Variants in TMEM44 observed in about 807,000 individuals in gnomAD.
TMEM44 encodes transmembrane protein 44.
In TMEM44, 43 loss-of-function variants were observed where a neutral mutation model predicts 47.8. The observed-to-expected ratio is 0.90, with a 90% confidence interval of 0.70 to 1.16. The LOEUF (loss-of-function observed/expected upper bound fraction) is 1.16. TMEM44 is among the 50% of genes most tolerant of loss of function. The pLI, the probability that TMEM44 is intolerant of heterozygous loss-of-function variation, is 0.00. For missense variants in TMEM44, 568 were observed against 555.2 expected, an observed-to-expected ratio of 1.02 and a Z score of -0.23; for synonymous variants, 277 against 238.8, an observed-to-expected ratio of 1.16 and a Z score of -1.48.
chr3:194,614,839 T>C (rs1489331316), intron 7 of TMEM44, among the ~76,000 whole-genome samples: 3 of 152,214 alleles, frequency 2.0e-5, no homozygotes, highest in Non-Finnish European at 4.4e-5. Flanking sequence ...ATATAAGCCA[T>C]TAAGTGACCA....
In TMEM44 at chr3:194,630,995, C is replaced by T. The variant is rs1345422430; in HGVS notation, c.137+2084G>A. ...CACTGATAGGGCCTCTGAAATAATACGCTGTTGTACCTGCCTCCCGAAGGG... is the reference window on the plus strand; with the variant it reads ...CACTGATAGGGCCTCTGAAATAATATGCTGTTGTACCTGCCTCCCGAAGGG... On this transcript the variant is annotated intron_variant, in intron 1 of 9. Transcript: ENST00000347147. Among the ~76,000 whole-genome samples, 32 of 132,306 alleles carry T rather than the reference C, an allele frequency of 2.4e-4. 1 individual carries two copies. The highest frequency in any genetic ancestry group is 8.8e-5 in the African/African-American group (3 of 34,178). 86.8% of individuals were successfully genotyped at this position (132,306 alleles called of 152,430 possible). A position where few individuals can be genotyped will look rare whatever the true frequency, so the allele number is the denominator to read the frequency against.
At chr3:194,601,709 A>C (rs998739987) in intron 9 of TMEM44, among the ~76,000 whole-genome samples, 2 of 151,762 alleles carry the variant, frequency 1.3e-5, no homozygotes, top group African/African-American at 2.4e-5. Flanking sequence ...CTGCCTCCCA[A>C]AAAGTGCTAG....
At position 194,617,129 on chromosome 3, in the gene TMEM44, G is replaced by C; in HGVS notation, c.753C>G (p.Thr251=). 1 of 1,558,422 alleles carries C rather than the reference G, an allele frequency of 6.4e-7. No individual in the cohort carries two copies. Among genetic ancestry groups the C allele is most frequent in the Non-Finnish European group, 8.7e-7 (1 of 1,152,086 alleles). Residue 251 remains threonine, a synonymous_variant, in exon 6 of 10, where the codon ACC becomes ACG. Transcript: ENST00000347147. ...GGTCCAGTGCCGCACGGCCGAGGGA[G>C]GTCAGGAACCAGGGTGTGGCCCGCA... is the stretch of plus-strand genomic sequence containing the variant. The part of the protein sequence containing the change: ...YLLRATPWFL[T]SLGRAALDLA...
chr3:194,601,793 GA>G (rs1172123838), intron 9 of TMEM44, among the ~76,000 whole-genome samples: 1 of 152,190 alleles, frequency 6.6e-6, no homozygotes, highest in Non-Finnish European at 1.5e-5. Context: ...AAAAGAGAGA[GA>G]TAAGAGTAGA....
At chr3:194,610,496 T>G (rs1715202022) in intron 8 of TMEM44, among the ~76,000 whole-genome samples, 1 of 152,110 alleles carries the variant, frequency 6.6e-6, no homozygotes, top group Non-Finnish European at 1.5e-5. Context: ...GGAAGAGAGC[T>G]ACTTCCACCC....
intron 9 of TMEM44, among the ~76,000 whole-genome samples, chr3:194,601,412 C>T (rs1319922060): frequency 2.0e-5 from 3 of 151,342 alleles, no homozygotes; most frequent in Non-Finnish European, 4.4e-5. Flanking sequence ...TCAAGCAATT[C>T]TCCCGCCTCA....
At chr3:194,614,305 G>A (rs937016607) in intron 7 of TMEM44, among the ~76,000 whole-genome samples, 12 of 152,168 alleles carry the variant, frequency 7.9e-5, no homozygotes, top group African/African-American at 2.9e-4. Context: ...ATGACGACAG[G>A]CTCTGGAGCA....
intron 1 of TMEM44, among the ~76,000 whole-genome samples, chr3:194,631,413 C>T (rs1471570730): frequency 6.6e-6 from 1 of 151,938 alleles, no homozygotes; most frequent in Non-Finnish European, 1.5e-5. Context: ...AGCGCCTGTC[C>T]TTGGGAATGG....
rs1391419144 is a variant in TMEM44, at chr3:194,593,499, C to T, written c.1177-4860G>A. ...CTGCCTTGCAAATATGGGGTATTTG[C>T]TACCAGCCAAGATTCATTTGTAGTC... On this transcript the variant is annotated intron_variant, in intron 9 of 9. Coordinates refer to ENST00000347147, the MANE Select transcript of TMEM44 (RefSeq NM_001011655.3). Among the ~76,000 whole-genome samples the T allele has an allele frequency of 2.6e-5, 4 of 152,114 alleles. No homozygotes were observed. The South Asian group carries it at 8.3e-4, about 31-fold the overall frequency.
chr3:194,633,373 C>T lies in TMEM44; in HGVS notation c.-158G>A, dbSNP rs1718045370. The T allele has an allele frequency of 4.4e-6, 1 of 225,810 alleles. No homozygotes were observed. Among genetic ancestry groups the T allele is most frequent in the Non-Finnish European group, 7.4e-6 (1 of 134,256 alleles). The allele number at this position is 225,810 out of a possible 1,614,324, so 14.0% of individuals were successfully genotyped here. Reference sequence around the variant, plus strand: ...CACCGACCGCGGGCAGAGAAGGGCGCGCTCCCGGGCGCGGGCGGCGGCGGC... The same window carrying T: ...CACCGACCGCGGGCAGAGAAGGGCGTGCTCCCGGGCGCGGGCGGCGGCGGC... On this transcript the variant is annotated 5_prime_UTR_variant, in exon 1 of 10. Transcript: ENST00000347147.
intron 8 of TMEM44, among the ~76,000 whole-genome samples, chr3:194,604,958 G>A (rs1714613555): frequency 6.6e-6 from 1 of 152,186 alleles, no homozygotes; most frequent in East Asian, 1.9e-4. Context: ...CGGAATTGCT[G>A]GATTAAAGAG....
chr3:194,593,314 G>A (rs555363017), intron 9 of TMEM44, among the ~76,000 whole-genome samples: 2 of 152,004 alleles, frequency 1.3e-5, no homozygotes, highest in East Asian at 1.9e-4. Flanking sequence ...GCACGTCCTG[G>A]GAAAAATTAC....
chr3:194,632,479 C>T (rs1560209123), intron 1 of TMEM44, among the ~76,000 whole-genome samples: 1 of 152,080 alleles, frequency 6.6e-6, no homozygotes, highest in Non-Finnish European at 1.5e-5. Context: ...CTTAGGCTAC[C>T]GTGGGCATCT....
chr3:194,602,512 G>A (rs1358714433), intron 9 of TMEM44, among the ~76,000 whole-genome samples: 2 of 152,112 alleles, frequency 1.3e-5, no homozygotes, highest in Admixed American at 1.3e-4. Flanking sequence ...TGAGGCACCA[G>A]AATCTCTTGA....
At position 194,621,431 on chromosome 3, in the gene TMEM44, G is replaced by A. The variant is rs1042958139; in HGVS notation, c.612+1793C>T. Among the ~76,000 whole-genome samples, 3 of 152,264 alleles carry A rather than the reference G, an allele frequency of 2.0e-5. No individual in the cohort carries two copies. In the East Asian group the frequency reaches 5.8e-4, roughly 29 times the overall value. Reference sequence around the variant, plus strand: ...AGCTACTACCGGCGGTCAGGGCACGGTGCCAGCTTCTTCAAAGGCCTTCAT... The same window carrying A: ...AGCTACTACCGGCGGTCAGGGCACGATGCCAGCTTCTTCAAAGGCCTTCAT... On this transcript the variant is annotated intron_variant, in intron 5 of 9. Coordinates refer to ENST00000347147, the MANE Select transcript of TMEM44 (RefSeq NM_001011655.3).
chr3:194,604,176 GAGGTTAACGTGGATA>G (rs1369289430), intron 9 of TMEM44, 96 bp downstream of exon 9: 11 of 1,339,666 alleles, frequency 8.2e-6, no homozygotes, highest in Non-Finnish European at 1.1e-5. Context: ...TAGCAGGTAT[GAGGTTAACGTGGATA>G]AGATGAGAAC....
intron 9 of TMEM44, among the ~76,000 whole-genome samples, chr3:194,593,697 G>C (rs1166741693): frequency 6.6e-6 from 1 of 152,162 alleles, no homozygotes; most frequent in Non-Finnish European, 1.5e-5. Context: ...ATTGATCTGG[G>C]AATGTCTATT....
intron 9 of TMEM44, among the ~76,000 whole-genome samples, chr3:194,598,383 G>C (rs1052930001): frequency 7.2e-5 from 11 of 152,156 alleles, no homozygotes; most frequent in African/African-American, 2.7e-4. Flanking sequence ...ACATGCTCCT[G>C]CACACCTTCC....
chr3:194,618,766 A>T (rs936334645), intron 5 of TMEM44, among the ~76,000 whole-genome samples: 1 of 152,192 alleles, frequency 6.6e-6, no homozygotes, highest in Non-Finnish European at 1.5e-5. Flanking sequence ...ATTTTGCCCC[A>T]TTTTAAGTTT....
Sources: allele counts gnomAD v4.1 joint callset (sites outside exome capture counted in the v4.1 genomes callset), GRCh38; gene constraint gnomAD v4.1.1; transcripts MANE v1.5; gene names NCBI Gene and HGNC (gene_info 2026-07-23, HGNC 2026-07-21).